OFD1: variants seen among roughly 807,000 people sequenced by gnomAD.
The protein encoded by OFD1 is OFD1 centriole and centriolar satellite protein.
A neutral mutation model predicts 81.4 loss-of-function variants in OFD1; 12 were observed. The observed-to-expected ratio is 0.15, with a 90% CI of 0.09 to 0.24. OFD1 has a LOEUF of 0.24. Among genes scored for constraint, OFD1 ranks in the 10% least tolerant of loss-of-function variants. The probability of loss-of-function intolerance (pLI) is 1.00; values close to 1 mark genes in which losing one functional copy is unlikely to be tolerated. For missense variants in OFD1, 685 were observed against 733.9 expected, an observed-to-expected ratio of 0.93 and a Z score of 0.77; for synonymous variants, 256 against 263.7, an observed-to-expected ratio of 0.97 and a Z score of 0.28.
At chrX:13,729,366 A>G in the OFD1 span, among the ~76,000 whole-genome samples, 8 of 112,271 alleles carry the variant, frequency 7.1e-5, no homozygotes, top group South Asian at 2.6e-3. Flanking sequence ...AGGCTACAGT[A>G]ACCAAAACAG....
chrX:13,732,060 G>A (rs751704118), upstream of OFD1, among the ~76,000 whole-genome samples: 1 of 112,124 alleles, frequency 8.9e-6, no homozygotes, highest in South Asian at 3.7e-4. Context: ...CAAAAGTTCT[G>A]CAAGCTCAGT....
At chrX:13,729,577 A>T in the OFD1 span, among the ~76,000 whole-genome samples, 1 of 112,182 alleles carries the variant, frequency 8.9e-6, no homozygotes, top group African/African-American at 3.2e-5. Flanking sequence ...TCCCTTCCTT[A>T]CACCTTATAC....
At chrX:13,772,698 C>T, downstream of OFD1, 1 of 354,485 alleles carries the variant, frequency 2.8e-6, no homozygotes, top group Non-Finnish European at 4.9e-6. Context: ...AATATTTGTT[C>T]TAAAGAAAAA....
intron 9 of OFD1, 44 bp downstream of exon 9, chrX:13,749,577 T>G (rs2047427857): frequency 1.3e-6 from 1 of 785,401 alleles, no homozygotes; most frequent in South Asian, 2.1e-5. Context: ...ATGATGAGAT[T>G]AAAAAGAATT....
the OFD1 span, among the ~76,000 whole-genome samples, chrX:13,719,283 A>G: frequency 1.8e-5 from 2 of 111,071 alleles, no homozygotes; most frequent in Non-Finnish European, 3.8e-5. Flanking sequence ...CTGAATGGCA[A>G]TATGTCCTCG....
chrX:13,715,745 G>C, the OFD1 span: 1 of 867,894 alleles, frequency 1.2e-6, no homozygotes, highest in Non-Finnish European at 1.4e-6. Context: ...TCAGCTATGA[G>C]GACAACAAGG....
the OFD1 span, among the ~76,000 whole-genome samples, chrX:13,725,078 A>G: frequency 8.8e-6 from 1 of 113,103 alleles, no homozygotes; most frequent in African/African-American, 3.2e-5. Context: ...AGGCTTCAGT[A>G]GGTAAACAAG....
At position 13,760,202 on chromosome X, in the gene OFD1, G is replaced by A. The variant is rs201230660; in HGVS notation, c.1742G>A (p.Cys581Tyr). The stretch of plus-strand genomic sequence containing the variant: ...TTAATAAATGGCAATGTGGTGCCTT[G>A]CAATGGTGAGATAAGTGGGGATTTC... The part of the protein sequence containing the change: ...NGLINGNVVP[C>Y]NGEISGDFLN... Residue 581 changes from cysteine to tyrosine, a missense_variant, in exon 16 of 23, where the codon TGC becomes TAC. By Grantham distance (194) the Cys-to-Tyr change is radical. Coordinates refer to ENST00000340096, the MANE Select transcript of OFD1 (RefSeq NM_003611.3). The A allele has an allele frequency of 9.2e-5, 111 of 1,210,180 alleles. No homozygotes were observed. Among genetic ancestry groups the A allele is most frequent in the Non-Finnish European group, 1.2e-4 (109 of 895,233 alleles).
intron 20 of OFD1, 98 bp downstream of exon 20, chrX:13,767,382 T>TC (rs1482123159): frequency 2.2e-6 from 2 of 922,836 alleles, no homozygotes; most frequent in African/African-American, 3.9e-5. Context: ...GTGTACAAAG[T>TC]CAGAGGTGCG....
At chrX:13,732,159 C>T (rs950985219), upstream of OFD1, among the ~76,000 whole-genome samples, 1 of 111,795 alleles carries the variant, frequency 8.9e-6, no homozygotes, top group Non-Finnish European at 1.9e-5. Context: ...CTGATGTCCT[C>T]TTCAATAATA....
chrX:13,753,465 CT>C, intron 11 of OFD1, 24 bp downstream of exon 11: 1 of 1,201,610 alleles, frequency 8.3e-7, no homozygotes, highest in South Asian at 1.8e-5. Context: ...GGAAAATAAG[CT>C]GTATTTTTCA....
chrX:13,735,603 A>G (rs1054970860), intron 2 of OFD1, among the ~76,000 whole-genome samples: 7 of 112,584 alleles, frequency 6.2e-5, no homozygotes, highest in Non-Finnish European at 3.8e-5. Context: ...AGATAGGAGA[A>G]GGAAATATTT....
intron 3 of OFD1, among the ~76,000 whole-genome samples, chrX:13,737,753 A>C (rs1292362698): frequency 4.4e-5 from 5 of 112,420 alleles, no homozygotes; most frequent in Non-Finnish European, 9.4e-5. Context: ...CCAAAGTTTT[A>C]GTGACACAAG....
the OFD1 span, chrX:13,719,867 G>A: frequency 4.3e-6 from 5 of 1,166,326 alleles, no homozygotes; most frequent in African/African-American, 3.6e-5. Flanking sequence ...AAATTCTTAC[G>A]TACTTTGGAT....
chrX:13,755,133 G>A lies in OFD1; in HGVS notation c.1130-18G>A, dbSNP rs755448574. On this transcript the variant is annotated intron_variant, in intron 11 of 22. Coordinates refer to ENST00000340096, the MANE Select transcript of OFD1 (RefSeq NM_003611.3). Reference sequence around the variant, plus strand: ...TAGGAAAACATTATGGTGTTTAATTGGTGGGCTCTTTTTTCAGAAAAAGCT... The same window carrying A: ...TAGGAAAACATTATGGTGTTTAATTAGTGGGCTCTTTTTTCAGAAAAAGCT... The A allele has an allele frequency of 8.8e-7, 1 of 1,142,761 alleles. No individual in the cohort carries two copies. The highest frequency in any genetic ancestry group is 1.2e-6 in the Non-Finnish European group (1 of 833,380). The allele number at this position is 1,142,761 out of a possible 1,213,427, so 94.2% of individuals were successfully genotyped here.
intron 14 of OFD1, 63 bp from the exon 15 acceptor site, chrX:13,758,274 C>T: frequency 1.2e-6 from 1 of 809,160 alleles, no homozygotes; most frequent in Non-Finnish European, 1.9e-6. Flanking sequence ...GAGAACTTTT[C>T]CTTTTGAAGC....
intron 5 of OFD1, among the ~76,000 whole-genome samples, chrX:13,743,918 GTAGT>G (rs1390785342): frequency 9.0e-6 from 1 of 111,539 alleles, no homozygotes; most frequent in Non-Finnish European, 1.9e-5. Flanking sequence ...CAGTTTTTAT[GTAGT>G]TAGATTGATA....
chrX:13,773,331 C>T (rs1234569003), downstream of OFD1: 32 of 181,103 alleles, frequency 1.8e-4, no homozygotes, highest in African/African-American at 9.7e-4. Flanking sequence ...TTTTTTAATA[C>T]CATTTTGAGA....
At chrX:13,738,069 C>G (rs778908093) in intron 3 of OFD1, among the ~76,000 whole-genome samples, 2 of 111,491 alleles carry the variant, frequency 1.8e-5, no homozygotes, top group African/African-American at 3.3e-5. Context: ...AGGCTGGTCT[C>G]GAATCCTGAC....
Sources: gnomAD v4.1 joint callset for allele counts (sites outside exome capture counted in the v4.1 genomes callset) on GRCh38, gnomAD v4.1.1 for gene constraint, MANE v1.5 for transcripts, NCBI Gene and HGNC (gene_info 2026-07-23, HGNC 2026-07-21) for gene names.